DENND1A: variants seen among roughly 807,000 people sequenced by gnomAD.
DENND1A encodes the protein DENN domain-containing protein 1A.
In DENND1A, 51 loss-of-function variants were observed where a neutral mutation model predicts 113.7. The ratio of observed to expected loss-of-function variants is 0.45; its 90% confidence interval spans 0.36 to 0.57. The LOEUF (loss-of-function observed/expected upper bound fraction) is 0.57. Ranked by LOEUF, DENND1A falls within the 20% of genes least tolerant of loss-of-function variation. The pLI, the probability that DENND1A is intolerant of heterozygous loss-of-function variation, is 0.00. For synonymous variants in DENND1A, 565 were observed against 570.8 expected (o/e 0.99, Z 0.14); for missense variants, 1,258 against 1,395.9 (o/e 0.90, Z 1.57).
At chr9:123,862,797 C>G (rs1845232071) in intron 2 of DENND1A, among the ~76,000 whole-genome samples, 1 of 152,042 alleles carries the variant, frequency 6.6e-6, no homozygotes, top group South Asian at 2.1e-4. Context: ...ATTAACTGGT[C>G]TTATTTTAAA....
chr9:123,386,721 G>T (rs112295749), intron 22 of DENND1A, among the ~76,000 whole-genome samples: 5 of 152,230 alleles, frequency 3.3e-5, no homozygotes, highest in African/African-American at 1.2e-4. Flanking sequence ...TGGGAGGGGA[G>T]TGACTTGTCT....
At chr9:123,733,524 C>A (rs761400363) in intron 5 of DENND1A, among the ~76,000 whole-genome samples, 1 of 151,500 alleles carries the variant, frequency 6.6e-6, no homozygotes, top group Non-Finnish European at 1.5e-5. Context: ...TGGCCTCAAG[C>A]GATCCTCCCA....
At chr9:123,510,717 C>G (rs79164106) in intron 13 of DENND1A, among the ~76,000 whole-genome samples, 1 of 152,196 alleles carries the variant, frequency 6.6e-6, no homozygotes, top group East Asian at 1.9e-4. Flanking sequence ...GCCAAAGGTA[C>G]CCACTGCTTC....
chr9:123,584,911 T>A (rs547725594), intron 11 of DENND1A, among the ~76,000 whole-genome samples: 1 of 152,318 alleles, frequency 6.6e-6, no homozygotes, highest in Non-Finnish European at 1.5e-5. Flanking sequence ...GGCTCACCAC[T>A]GCAAAACAAC....
intron 19 of DENND1A, among the ~76,000 whole-genome samples, chr9:123,420,916 G>A (rs1025098218): frequency 2.0e-4 from 30 of 151,602 alleles, no homozygotes; most frequent in Non-Finnish European, 3.4e-4. Flanking sequence ...GTTTTTAGTC[G>A]GGTGCAGGTG....
chr9:123,437,234 G>T (rs1279025623), intron 19 of DENND1A, among the ~76,000 whole-genome samples: 1 of 152,230 alleles, frequency 6.6e-6, no homozygotes, highest in Non-Finnish European at 1.5e-5. Context: ...ACAGACAGAT[G>T]AATAGATGAT....
chr9:123,414,058 C>T, intron 19 of DENND1A: 2 of 993,346 alleles, frequency 2.0e-6, no homozygotes, highest in Non-Finnish European at 2.4e-6. Context: ...GGGCTATTTC[C>T]ATTCCTGCTG....
chr9:123,419,553 A>G (rs537161483), intron 19 of DENND1A, among the ~76,000 whole-genome samples: 8 of 152,368 alleles, frequency 5.3e-5, no homozygotes, highest in Admixed American at 5.2e-4. Flanking sequence ...TAGCCACATC[A>G]ATGCTCTGAC....
At chr9:123,848,423 G>A (rs781124079) in intron 2 of DENND1A, among the ~76,000 whole-genome samples, 1 of 151,808 alleles carries the variant, frequency 6.6e-6, no homozygotes, top group African/African-American at 2.4e-5. Flanking sequence ...ATTGTTTTGG[G>A]GTGCCATAAA....
At chr9:123,444,484 T>C (rs1001368910) in intron 18 of DENND1A, among the ~76,000 whole-genome samples, 1 of 152,076 alleles carries the variant, frequency 6.6e-6, no homozygotes, top group East Asian at 1.9e-4. Context: ...TGAAACCCCG[T>C]CTCTACCAAA....
At chr9:123,743,750 T>C (rs1472419809) in intron 5 of DENND1A, among the ~76,000 whole-genome samples, 1 of 151,180 alleles carries the variant, frequency 6.6e-6, no homozygotes, top group South Asian at 2.1e-4. Flanking sequence ...AAATAAAAAA[T>C]AAAAAAATTT....
At chr9:123,390,329 C>T (rs536743281) in intron 21 of DENND1A, among the ~76,000 whole-genome samples, 75 of 152,368 alleles carry the variant, frequency 4.9e-4, no homozygotes, top group African/African-American at 1.5e-3. Context: ...GTCCCCTTTC[C>T]CCAGACTGTG....
chr9:123,569,360 T>C (rs1199925046), intron 12 of DENND1A, among the ~76,000 whole-genome samples: 6 of 152,198 alleles, frequency 3.9e-5, no homozygotes, highest in African/African-American at 1.4e-4. Context: ...CACAACTCTT[T>C]ACTGGTATGA....
intron 2 of DENND1A, among the ~76,000 whole-genome samples, chr9:123,878,716 C>T (rs1036093824): frequency 1.6e-5 from 2 of 127,912 alleles, no homozygotes; most frequent in Non-Finnish European, 3.2e-5. Context: ...CCAATGATTA[C>T]AATGAATAAA....
At chr9:123,403,671 C>T in intron 20 of DENND1A, 181 bp from the exon 21 acceptor site, 3 of 602,738 alleles carry the variant, frequency 5.0e-6, no homozygotes, top group Non-Finnish European at 8.9e-6. Flanking sequence ...CAGACAGACA[C>T]ATTAACTGGA....
At chr9:123,635,154 C>T (rs1975063) in intron 9 of DENND1A, among the ~76,000 whole-genome samples, 65,996 of 151,900 alleles carry the variant, frequency 0.43, 15,116 homozygotes, top group African/African-American at 0.58. Flanking sequence ...CCAATGCCTC[C>T]GCTGAATCCT....
At chr9:123,810,549 C>CAAAAAAAAAAAAA (rs1159557273) in intron 2 of DENND1A, among the ~76,000 whole-genome samples, 1 of 46,394 alleles carries the variant, frequency 2.2e-5, no homozygotes, top group Non-Finnish European at 4.3e-5. Flanking sequence ...CATGTCTCTA[C>CAAAAAAAAAAAAA]AAAAAAAAAA....
chr9:123,497,375 G>A (rs1227233524), intron 13 of DENND1A, among the ~76,000 whole-genome samples: 1 of 152,206 alleles, frequency 6.6e-6, no homozygotes, highest in Non-Finnish European at 1.5e-5. Flanking sequence ...GGAGAGTAGT[G>A]GGCATGATCA....
chr9:123,511,742 G>A (rs1474542959), intron 13 of DENND1A, among the ~76,000 whole-genome samples: 1 of 152,204 alleles, frequency 6.6e-6, no homozygotes, highest in Non-Finnish European at 1.5e-5. Context: ...AGAAGGCTTT[G>A]TGAACCACAG....
Sources: gnomAD v4.1 joint callset for allele counts (sites outside exome capture counted in the v4.1 genomes callset) on GRCh38, gnomAD v4.1.1 for gene constraint, MANE v1.5 for transcripts, NCBI Gene and HGNC (gene_info 2026-07-23, HGNC 2026-07-21) for gene names.